The following RBFOX1 variants were observed in gnomAD, a reference collection of about 807,000 sequenced individuals.
The protein encoded by RBFOX1 is RNA binding fox-1 homolog 1, also known as RNA binding protein fox-1 homolog 1.
RBFOX1 carries 8 observed loss-of-function variants against 57.7 expected under a neutral mutation model. The ratio of observed to expected loss-of-function variants is 0.14; its 90% CI spans 0.08 to 0.25. The LOEUF is 0.25. Among genes scored for constraint, RBFOX1 ranks in the 10% least tolerant of loss-of-function variants. RBFOX1 has a pLI of 1.00. For synonymous variants in RBFOX1, 326 were observed against 222.4 expected (o/e 1.47, Z -4.15); for missense variants, 611 against 548.5 (o/e 1.11, Z -1.14).
intron 2 of RBFOX1, among the ~76,000 whole-genome samples, chr16:5,468,386 T>A (rs1030000974): frequency 2.0e-5 from 3 of 152,192 alleles, no homozygotes; most frequent in African/African-American, 7.2e-5. Context: ...GACACCAGTC[T>A]GCATTCTGTC....
At chr16:6,596,819 A>T (rs906527155) in intron 2 of RBFOX1, among the ~76,000 whole-genome samples, 4 of 152,224 alleles carry the variant, frequency 2.6e-5, no homozygotes, top group African/African-American at 9.6e-5. Context: ...TGGATAAGGC[A>T]TTTACAATTG....
At chr16:7,058,796 C>A (rs1195765259) in intron 4 of RBFOX1, among the ~76,000 whole-genome samples, 6 of 152,106 alleles carry the variant, frequency 3.9e-5, no homozygotes, top group Admixed American at 3.3e-4. Flanking sequence ...TTCCTTGGCA[C>A]ACATCGTATT....
chr16:7,646,038 TTAA>T (rs999145256), intron 11 of RBFOX1, among the ~76,000 whole-genome samples: 9 of 151,952 alleles, frequency 5.9e-5, no homozygotes, highest in Non-Finnish European at 7.4e-5. Context: ...GAGCTAGAAC[TTAA>T]TAAGTGCCAT....
At position 6,685,280 on chromosome 16, in the gene RBFOX1, T is replaced by TC. The variant is rs201492879; in HGVS notation, c.-16+30630_-16+30631insC. Among the ~76,000 whole-genome samples the TC allele has an allele frequency of 5.6e-3, 586 of 104,852 alleles. 20 individuals carry two copies. In the South Asian group the frequency reaches 0.071, roughly 13 times the overall value. The allele number at this position is 104,852 out of a possible 152,430, so 68.8% of individuals were successfully genotyped here. A position where few individuals can be genotyped will look rare whatever the true frequency, so the allele number is the denominator to read the frequency against. On this transcript the variant is annotated intron_variant, in intron 3 of 15. Coordinates refer to ENST00000550418, the MANE Select transcript of RBFOX1 (RefSeq NM_018723.4). ...AAGAGAGGGAGAGTTTTTCTTTTTTTTTTTTTTTTTTTTGAGATGGAGTCT... is the reference window on the plus strand; with the variant it reads ...AAGAGAGGGAGAGTTTTTCTTTTTTTCTTTTTTTTTTTTTGAGATGGAGTCT...
chr16:5,686,182 G>T (rs538538578), intron 3 of RBFOX1, among the ~76,000 whole-genome samples: 5 of 152,164 alleles, frequency 3.3e-5, no homozygotes, highest in Non-Finnish European at 5.9e-5. Context: ...ATGGAATGTA[G>T]AAATGTATCA....
intron 3 of RBFOX1, among the ~76,000 whole-genome samples, chr16:6,781,558 G>C (rs1444821966): frequency 1.3e-5 from 2 of 151,974 alleles, no homozygotes; most frequent in African/African-American, 4.8e-5. Flanking sequence ...TCAAGTCCTG[G>C]CCTTTTCTCT....
At chr16:7,584,546 C>A (rs913382697) in intron 6 of RBFOX1, among the ~76,000 whole-genome samples, 1 of 152,194 alleles carries the variant, frequency 6.6e-6, no homozygotes, top group African/African-American at 2.4e-5. Context: ...CCGCCTCAGC[C>A]TCCCACAGTG....
At position 7,606,829 on chromosome 16, in the gene RBFOX1, G is replaced by C. The variant is rs563673268; in HGVS notation, c.623-456G>C. Among the ~76,000 whole-genome samples the C allele has an allele frequency of 2.2e-4, 33 of 152,208 alleles. No individual in the cohort carries two copies. In the South Asian group the frequency reaches 6.8e-3, roughly 32 times the overall value. On this transcript the variant is annotated intron_variant, in intron 9 of 15. Transcript: ENST00000550418. Reference sequence around the variant, plus strand: ...GCACTTTGGAATTCTCTAGTATCTCGAGGTTATAATTTGGAATGACAATTG... The same window carrying C: ...GCACTTTGGAATTCTCTAGTATCTCCAGGTTATAATTTGGAATGACAATTG...
chr16:6,422,880 T>A (rs892830224), intron 2 of RBFOX1, among the ~76,000 whole-genome samples: 5 of 152,196 alleles, frequency 3.3e-5, no homozygotes, highest in African/African-American at 1.2e-4. Flanking sequence ...TGTCAAATGC[T>A]TAGCTCCTAC....
chr16:7,177,461 TA>T (rs1431169201), intron 4 of RBFOX1, among the ~76,000 whole-genome samples: 1 of 150,472 alleles, frequency 6.6e-6, no homozygotes, highest in Non-Finnish European at 1.5e-5. Context: ...AAGCACACTG[TA>T]AATGGGTACA....
chr16:6,494,335 G>T (rs1464957852), intron 2 of RBFOX1, among the ~76,000 whole-genome samples: 1 of 152,158 alleles, frequency 6.6e-6, no homozygotes, highest in Non-Finnish European at 1.5e-5. Flanking sequence ...GTTCCATCCT[G>T]AGGTTCCATT....
intron 4 of RBFOX1, among the ~76,000 whole-genome samples, chr16:5,969,833 C>T (rs1365061358): frequency 6.6e-6 from 1 of 151,846 alleles, no homozygotes; most frequent in African/African-American, 2.4e-5. Context: ...TGCTGACTTC[C>T]AGCAATATCT....
intron 2 of RBFOX1, among the ~76,000 whole-genome samples, chr16:6,529,966 A>C (rs966161646): frequency 6.6e-6 from 1 of 152,158 alleles, no homozygotes; most frequent in Non-Finnish European, 1.5e-5. Flanking sequence ...AGATTTTTCA[A>C]CTTTCTGGTC....
At chr16:5,424,881 TTCTTTCTTTC>T (rs1443466469) in intron 1 of RBFOX1, among the ~76,000 whole-genome samples, 1 of 27,816 alleles carries the variant, frequency 3.6e-5, no homozygotes, top group Admixed American at 3.4e-4. Context: ...TTTTTTTTCT[TTCTTTCTTTC>T]TTTCTTTCTT....
intron 1 of RBFOX1, among the ~76,000 whole-genome samples, chr16:6,252,154 G>A (rs1157155820): frequency 6.6e-6 from 1 of 151,998 alleles, no homozygotes; most frequent in African/African-American, 2.4e-5. Context: ...TGTTTTATCT[G>A]TACCTGTCTT....
chr16:5,455,279 G>A lies in RBFOX1; in HGVS notation c.220-11937G>A, dbSNP rs370832394. 4.6e-5 allele frequency among the ~76,000 whole-genome samples: 7 copies of A among 152,080 alleles called. No homozygotes were observed. The East Asian group carries it at 1.2e-3, about 25-fold the overall frequency. The stretch of plus-strand genomic sequence containing the variant: ...AACTTGAGCTCCCCATAACACAGTG[G>A]CATGTTTCCAAGAGGGAGTGCCCAG... On this transcript the variant is annotated intron_variant, in intron 1 of 2. Coordinates refer to the RBFOX1 transcript ENST00000585867.
Position 6,874,020 on chromosome 16 carries a change from T to C in RBFOX1, c.-15-178037T>C, listed in dbSNP as rs1567663440. On this transcript the variant is annotated intron_variant, in intron 3 of 15. Transcript: ENST00000550418. ...TTCATATTTTTAGTAAAAGTAGAAA[T>C]ACCTGTTGATCCATTATCTACCAAA... The C allele has an allele frequency of 2.6e-5, 4 of 152,288 alleles. No individual in the cohort carries two copies. In the East Asian group the frequency reaches 7.7e-4, roughly 29 times the overall value. 9.4% of individuals were successfully genotyped at this position (152,288 alleles called of 1,614,324 possible). A position where few individuals can be genotyped will look rare whatever the true frequency, so the allele number is the denominator to read the frequency against.
chr16:6,466,875 C>T (rs1036865432), intron 2 of RBFOX1, among the ~76,000 whole-genome samples: 1 of 152,008 alleles, frequency 6.6e-6, no homozygotes, highest in African/African-American at 2.4e-5. Context: ...CCCTAAGAGT[C>T]CTTATGTGAG....
intron 1 of RBFOX1, among the ~76,000 whole-genome samples, chr16:6,062,645 A>C (rs530000430): frequency 0.014 from 412 of 29,218 alleles, 1 homozygote; most frequent in African/African-American, 0.046. Context: ...ACATATATAC[A>C]TATCTATATG....
Sources: allele counts gnomAD v4.1 joint callset (sites outside exome capture counted in the v4.1 genomes callset), GRCh38; gene constraint gnomAD v4.1.1; transcripts MANE v1.5; gene names NCBI Gene and HGNC (gene_info 2026-07-23, HGNC 2026-07-21).